SCHIP1: variants seen among roughly 807,000 people sequenced by gnomAD.
SCHIP1 encodes the protein schwannomin-interacting protein 1.
In SCHIP1, 8 loss-of-function variants were observed where a neutral mutation model predicts 29.7. The ratio of observed to expected loss-of-function variants is 0.27; its 90% CI spans 0.16 to 0.49. The LOEUF (loss-of-function observed/expected upper bound fraction) is 0.49. Ranked by LOEUF, SCHIP1 falls within the 20% of genes least tolerant of loss-of-function variation. The pLI is 0.99. For missense variants in SCHIP1, 193 were observed against 294.6 expected (o/e 0.66, Z 2.52); for synonymous variants, 76 against 94.9 (o/e 0.80, Z 1.16).
At chr3:159,842,996 T>G (rs1744378571) in intron 1 of SCHIP1, among the ~76,000 whole-genome samples, 1 of 110,252 alleles carries the variant, frequency 9.1e-6, no homozygotes, top group Admixed American at 1.2e-4. Flanking sequence ...TCCCAATATT[T>G]CTTTCTTTTT....
At chr3:159,782,810 G>A in the SCHIP1 span, among the ~76,000 whole-genome samples, 9 of 152,212 alleles carry the variant, frequency 5.9e-5, no homozygotes, top group African/African-American at 2.2e-4. Flanking sequence ...TTTATATGTA[G>A]AATATGACTA....
chr3:159,686,672 A>G, the SCHIP1 span, among the ~76,000 whole-genome samples: 1 of 152,268 alleles, frequency 6.6e-6, no homozygotes, highest in Non-Finnish European at 1.5e-5. Context: ...ATAGCTCTAG[A>G]AACTAAAAAC....
chr3:159,771,223 C>T, the SCHIP1 span, among the ~76,000 whole-genome samples: 1 of 152,230 alleles, frequency 6.6e-6, no homozygotes, highest in Admixed American at 6.5e-5. Context: ...CCATCAATGA[C>T]ACACTACTAA....
the SCHIP1 span, among the ~76,000 whole-genome samples, chr3:159,831,259 G>A: frequency 1.3e-3 from 201 of 152,274 alleles, no homozygotes; most frequent in Non-Finnish European, 1.6e-3. Flanking sequence ...ATATTAGGCG[G>A]TTCTTTAGTC....
the SCHIP1 span, among the ~76,000 whole-genome samples, chr3:159,522,298 T>G: frequency 6.6e-6 from 1 of 152,174 alleles, no homozygotes; most frequent in Non-Finnish European, 1.5e-5. Context: ...TTTTAGTAAA[T>G]CTTAGTTAAA....
At chr3:159,608,311 C>A in the SCHIP1 span, among the ~76,000 whole-genome samples, 1 of 152,084 alleles carries the variant, frequency 6.6e-6, no homozygotes, top group Non-Finnish European at 1.5e-5. Context: ...ATAAGCATAT[C>A]GCTTAATATG....
intron 2 of SCHIP1, among the ~76,000 whole-genome samples, chr3:159,877,536 A>C (rs1056081993): frequency 3.9e-5 from 6 of 152,212 alleles, no homozygotes; most frequent in Non-Finnish European, 1.5e-5. Flanking sequence ...GGTGGCCCCA[A>C]AATGTTTCTA....
At chr3:159,484,635 C>T in the SCHIP1 span, among the ~76,000 whole-genome samples, 9 of 151,968 alleles carry the variant, frequency 5.9e-5, no homozygotes, top group East Asian at 1.3e-3. Context: ...AAAAGTCAAA[C>T]GAGAAACTCT....
At chr3:159,334,579 T>G in the SCHIP1 span, among the ~76,000 whole-genome samples, 1 of 152,160 alleles carries the variant, frequency 6.6e-6, no homozygotes, top group Non-Finnish European at 1.5e-5. Context: ...CCTCTTATAG[T>G]CAAATCATCC....
the SCHIP1 span, among the ~76,000 whole-genome samples, chr3:159,572,326 G>C: frequency 2.4e-4 from 36 of 151,708 alleles, no homozygotes; most frequent in African/African-American, 8.5e-4. Context: ...TTGTGTCTTT[G>C]TTCTCATTGG....
the SCHIP1 span, among the ~76,000 whole-genome samples, chr3:159,636,300 G>C: frequency 1.3e-5 from 2 of 152,036 alleles, no homozygotes; most frequent in Non-Finnish European, 2.9e-5. Flanking sequence ...CACCTGCCTC[G>C]GCCTCCCAAA....
At chr3:159,459,720 A>G in the SCHIP1 span, among the ~76,000 whole-genome samples, 1 of 152,304 alleles carries the variant, frequency 6.6e-6, no homozygotes, top group South Asian at 2.1e-4. Context: ...CAGTACCTAC[A>G]ATGTAATTGT....
the SCHIP1 span, among the ~76,000 whole-genome samples, chr3:159,602,229 C>T: frequency 2.0e-5 from 3 of 152,136 alleles, no homozygotes; most frequent in African/African-American, 2.4e-5. Context: ...CCACTTGTTT[C>T]GTTCTCATCT....
At chr3:159,595,541 A>G in the SCHIP1 span, among the ~76,000 whole-genome samples, 1 of 152,106 alleles carries the variant, frequency 6.6e-6, no homozygotes, top group Admixed American at 6.6e-5. Flanking sequence ...GCAAACCTTG[A>G]TCCCAAAACA....
At chr3:159,476,053 C>T in the SCHIP1 span, among the ~76,000 whole-genome samples, 1 of 152,136 alleles carries the variant, frequency 6.6e-6, no homozygotes, top group Non-Finnish European at 1.5e-5. Context: ...ATGTAGAAGC[C>T]TCTGAAAGTT....
the SCHIP1 span, among the ~76,000 whole-genome samples, chr3:159,767,193 A>G: frequency 6.6e-6 from 1 of 152,224 alleles, no homozygotes; most frequent in Non-Finnish European, 1.5e-5. Context: ...TTGGTTTAGA[A>G]TACTGTTTTT....
chr3:159,705,169 G>A, the SCHIP1 span, among the ~76,000 whole-genome samples: 12 of 151,994 alleles, frequency 7.9e-5, no homozygotes, highest in Non-Finnish European at 1.2e-4. Context: ...TCACCATGTT[G>A]GCCAGGCTGG....
At chr3:159,382,951 G>T in the SCHIP1 span, among the ~76,000 whole-genome samples, 1 of 150,166 alleles carries the variant, frequency 6.7e-6, no homozygotes, top group Non-Finnish European at 1.5e-5. Flanking sequence ...TTTTGATGGG[G>T]TTGTTTGTTT....
chr3:159,576,879 G>A, the SCHIP1 span, among the ~76,000 whole-genome samples: 23 of 152,208 alleles, frequency 1.5e-4, no homozygotes, highest in African/African-American at 5.5e-4. Context: ...TTATATTTTG[G>A]TTCTGCCTCT....
Sources: gnomAD v4.1 joint callset for allele counts (sites outside exome capture counted in the v4.1 genomes callset) on GRCh38, gnomAD v4.1.1 for gene constraint, MANE v1.5 for transcripts, NCBI Gene and HGNC (gene_info 2026-07-23, HGNC 2026-07-21) for gene names.